Variants in PSIP1 observed in about 807,000 individuals in gnomAD.
PSIP1 encodes PC4 and SRSF1 interacting protein 1, also known as PC4 and SFRS1-interacting protein.
In PSIP1, 19 loss-of-function variants were observed where a neutral mutation model predicts 74.7. The observed-to-expected ratio is 0.25, with a 90% CI of 0.18 to 0.37. The LOEUF is 0.37. Ranked by LOEUF, PSIP1 falls within the 10% of genes least tolerant of loss-of-function variation. The pLI is 1.00. For synonymous variants in PSIP1, 222 were observed against 195.3 expected (o/e 1.14, Z -1.14); for missense variants, 601 against 614.3 (o/e 0.98, Z 0.23).
chr9:15,472,522 T>G, intron 10 of PSIP1, 110 bp downstream of exon 10: 1 of 1,461,286 alleles, frequency 6.8e-7, no homozygotes, highest in Non-Finnish European at 8.9e-7. Flanking sequence ...ATGGGAAAAG[T>G]CACTTCTTCA....
rs367576816 is a variant in PSIP1 at position 15,479,621 on chromosome 9, T to C, written c.523A>G (p.Lys175Glu). Residue 175 changes from lysine to glutamate, a missense_variant, in exon 7 of 16, where the codon AAA becomes GAA. Transcript: ENST00000380733. ...GGTCGTCCTCTTTTAGGACTCACTT[T>C]TAGATTAACAGATGCTGTTGCTGTT... ...VTTATASVNL[K>E]VSPKRGRPAA... is the part of the protein sequence containing the mutation. 3.1e-6 allele frequency: 5 copies of C among 1,609,478 alleles called. No individual in the cohort carries two copies. In the African/African-American group the frequency reaches 6.7e-5, roughly 22 times the overall value.
chr9:15,484,671 G>A (rs1202266034), intron 6 of PSIP1, among the ~76,000 whole-genome samples: 2 of 152,034 alleles, frequency 1.3e-5, no homozygotes, highest in Non-Finnish European at 2.9e-5. Flanking sequence ...AGGTTGCAGT[G>A]AGCCGAGATG....
At chr9:15,505,639 G>A (rs2037552781) in intron 3 of PSIP1, 1 of 152,166 alleles carries the variant, frequency 6.6e-6, no homozygotes, top group Non-Finnish European at 1.5e-5. Context: ...TCATCAAAAG[G>A]TTATGATAGT....
At chr9:15,490,764 T>C (rs1416464866) in intron 3 of PSIP1, among the ~76,000 whole-genome samples, 1 of 150,550 alleles carries the variant, frequency 6.6e-6, no homozygotes, top group East Asian at 2.0e-4. Flanking sequence ...TTAGCATTAA[T>C]CAACACATTT....
chr9:15,494,606 C>CACAT (rs1373426195), intron 3 of PSIP1, among the ~76,000 whole-genome samples: 5 of 137,310 alleles, frequency 3.6e-5, no homozygotes, highest in African/African-American at 1.4e-4. Context: ...CACACACACA[C>CACAT]ATATATAAAA....
At chr9:15,472,574 A>G (rs2035885662) in intron 10 of PSIP1, 58 bp downstream of exon 10, 1 of 1,539,176 alleles carries the variant, frequency 6.5e-7, no homozygotes, top group Non-Finnish European at 8.7e-7. Flanking sequence ...CTATTATTTA[A>G]AAATTCCATG....
At chr9:15,472,299 A>C in intron 10 of PSIP1, 1 of 1,020,786 alleles carries the variant, frequency 9.8e-7, no homozygotes, top group South Asian at 4.5e-5. Flanking sequence ...CCAGTATATT[A>C]TCGCCCCTCT....
Position 15,486,814 on chromosome 9 carries a change from A to T in PSIP1, c.393+13T>A. On this transcript the variant is annotated intron_variant, in intron 5 of 15. Transcript: ENST00000380733. ...CAAAATGGGTTTAAAATGTTAGGAG[A>T]AATAGAACATACCTCATTGCTGGCT... is the stretch of plus-strand genomic sequence containing the variant. 6.4e-7 allele frequency: 1 copy of T among 1,561,324 alleles called. No homozygotes were observed. Among genetic ancestry groups the T allele is most frequent in the Admixed American group, 1.7e-5 (1 of 57,228 alleles).
intron 4 of PSIP1, among the ~76,000 whole-genome samples, chr9:15,488,837 C>G (rs187835075): frequency 6.6e-6 from 1 of 151,756 alleles, no homozygotes; most frequent in South Asian, 2.1e-4. Context: ...CTGGCTAACA[C>G]GGTGAAACCC....
chr9:15,466,301 C>T, intron 15 of PSIP1, among the ~76,000 whole-genome samples: 1 of 152,184 alleles, frequency 6.6e-6, no homozygotes, highest in Non-Finnish European at 1.5e-5. Context: ...ATCGCTTGAA[C>T]CCAGGAAGTG....
At chr9:15,480,026 A>G (rs986177709) in intron 6 of PSIP1, among the ~76,000 whole-genome samples, 1 of 152,222 alleles carries the variant, frequency 6.6e-6, no homozygotes, top group African/African-American at 2.4e-5. Flanking sequence ...ATACAGACAC[A>G]TTTTATTTCT....
intron 6 of PSIP1, among the ~76,000 whole-genome samples, chr9:15,485,484 A>C (rs1309586419): frequency 6.6e-6 from 1 of 152,192 alleles, no homozygotes; most frequent in Non-Finnish European, 1.5e-5. Context: ...TTTGAGACAT[A>C]AATAGGTCAG....
chr9:15,484,683 C>T (rs1162625438), intron 6 of PSIP1, among the ~76,000 whole-genome samples: 5 of 151,594 alleles, frequency 3.3e-5, no homozygotes, highest in South Asian at 2.1e-4. Context: ...GCCGAGATGG[C>T]GCCACTGCAC....
Position 15,469,866 on chromosome 9 carries a change from A to G in PSIP1, c.1033+72T>C, listed in dbSNP as rs2035757744. 2.3e-5 allele frequency: 30 copies of G among 1,322,380 alleles called. 1 individual carries two copies. The South Asian group carries it at 3.7e-4, about 16-fold the overall frequency. The allele number at this position is 1,322,380 out of a possible 1,614,324, so 81.9% of individuals were successfully genotyped here. On this transcript the variant is annotated intron_variant, in intron 11 of 15. Transcript: ENST00000380733. The stretch of plus-strand genomic sequence containing the variant: ...TATAAAATTATTCCAAAACCAATAC[A>G]TGAAAAGTTATGTCTATATAACTTC...
chr9:15,496,806 A>G (rs1393609869), intron 3 of PSIP1, among the ~76,000 whole-genome samples: 1 of 152,060 alleles, frequency 6.6e-6, no homozygotes, highest in East Asian at 1.9e-4. Context: ...AAATTCGCAC[A>G]CTTTTTTTTA....
At chr9:15,492,529 G>C (rs1398173063) in intron 3 of PSIP1, among the ~76,000 whole-genome samples, 1 of 152,178 alleles carries the variant, frequency 6.6e-6, no homozygotes, top group East Asian at 1.9e-4. Flanking sequence ...AGCTTTTCCA[G>C]GTGCATGGTG....
chr9:15,468,260 G>A, intron 14 of PSIP1: 1 of 481,762 alleles, frequency 2.1e-6, no homozygotes, highest in South Asian at 1.5e-5. Context: ...TAATTTAAAA[G>A]GCTACTGTAC....
intron 8 of PSIP1, among the ~76,000 whole-genome samples, chr9:15,477,113 A>T (rs1461721418): frequency 6.6e-6 from 1 of 152,182 alleles, no homozygotes; most frequent in East Asian, 1.9e-4. Context: ...AGAATTTCAG[A>T]TTTCCTAGGG....
At chr9:15,509,582 T>C (rs968544811) in intron 2 of PSIP1, among the ~76,000 whole-genome samples, 1 of 152,234 alleles carries the variant, frequency 6.6e-6, no homozygotes, top group Non-Finnish European at 1.5e-5. Context: ...TAAACTACTG[T>C]AATACTTTCA....
Sources: gnomAD v4.1 joint callset for allele counts (sites outside exome capture counted in the v4.1 genomes callset) on GRCh38, gnomAD v4.1.1 for gene constraint, MANE v1.5 for transcripts, NCBI Gene and HGNC (gene_info 2026-07-23, HGNC 2026-07-21) for gene names.